Variants in OLFML1 observed in about 807,000 individuals in gnomAD.
The protein encoded by OLFML1 is olfactomedin like 1.
Under a neutral mutation model 37.3 loss-of-function variants are expected in OLFML1, and 33 were observed. That is an observed-to-expected ratio of 0.88 (90% CI 0.67 to 1.18). The LOEUF (loss-of-function observed/expected upper bound fraction) is 1.18, where lower values mean the gene tolerates loss of function less well. Among genes scored for constraint, OLFML1 ranks in the 50% most tolerant of loss-of-function variants. The pLI is 0.00. For missense variants in OLFML1, 545 were observed against 483.7 expected (o/e 1.13, Z -1.19); for synonymous variants, 186 against 181.3 (o/e 1.03, Z -0.21).
At chr11:7,493,895 G>C (rs576160849) in intron 2 of OLFML1, among the ~76,000 whole-genome samples, 1 of 151,878 alleles carries the variant, frequency 6.6e-6, no homozygotes, top group African/African-American at 2.4e-5. Flanking sequence ...ATGTTGGACA[G>C]GGTAACATTC....
At chr11:7,497,293 A>G (rs1044747136) in intron 2 of OLFML1, among the ~76,000 whole-genome samples, 2 of 152,258 alleles carry the variant, frequency 1.3e-5, no homozygotes, top group Non-Finnish European at 2.9e-5. Context: ...AAAAAAACAG[A>G]TAAGACAAAG....
At chr11:7,493,264 A>T (rs189815821) in intron 2 of OLFML1, among the ~76,000 whole-genome samples, 21 of 152,346 alleles carry the variant, frequency 1.4e-4, no homozygotes, top group Admixed American at 1.1e-3. Context: ...AGCATATTTG[A>T]AGCCTCTGGG....
At chr11:7,486,774 C>T (rs1848528753) in intron 1 of OLFML1, among the ~76,000 whole-genome samples, 2 of 152,114 alleles carry the variant, frequency 1.3e-5, no homozygotes, top group Admixed American at 1.3e-4. Context: ...TTTCAAAGAC[C>T]CTCTTATTGC....
chr11:7,488,080 A>C, intron 1 of OLFML1, 47 bp from the exon 2 acceptor site: 2 of 1,358,902 alleles, frequency 1.5e-6, no homozygotes, highest in Non-Finnish European at 2.1e-6. Flanking sequence ...TTATTTGGGT[A>C]ATTTAAATAA....
intron 2 of OLFML1, 41 bp downstream of exon 2, chr11:7,488,456 T>C (rs1387639599): frequency 3.3e-6 from 5 of 1,504,866 alleles, no homozygotes; most frequent in Non-Finnish European, 4.5e-6. Flanking sequence ...CTAGGGACTA[T>C]TATGCTCAGA....
intron 2 of OLFML1, among the ~76,000 whole-genome samples, chr11:7,492,454 T>C (rs925632964): frequency 1.5e-4 from 23 of 152,202 alleles, no homozygotes; most frequent in African/African-American, 5.1e-4. Context: ...CCTTGGAAAA[T>C]TTAACCTTGT....
chr11:7,505,839 T>TA (rs35368096), intron 2 of OLFML1, among the ~76,000 whole-genome samples: 170 of 151,468 alleles, frequency 1.1e-3, no homozygotes, highest in African/African-American at 3.8e-3. Flanking sequence ...TCACCTGTCT[T>TA]AAAAAAAATG....
intron 2 of OLFML1, among the ~76,000 whole-genome samples, chr11:7,496,084 A>G (rs1217923156): frequency 1.3e-5 from 2 of 152,224 alleles, no homozygotes; most frequent in Admixed American, 6.5e-5. Flanking sequence ...TCACTTGTGC[A>G]CCTGCAGTCA....
intron 2 of OLFML1, among the ~76,000 whole-genome samples, chr11:7,501,968 A>T (rs1018847230): frequency 6.6e-6 from 1 of 152,244 alleles, no homozygotes. Context: ...TGAGCTAGTA[A>T]ATAAAACAGA....
chr11:7,499,916 G>C (rs1848701705), intron 2 of OLFML1, among the ~76,000 whole-genome samples: 1 of 151,992 alleles, frequency 6.6e-6, no homozygotes, highest in South Asian at 2.1e-4. Flanking sequence ...TTTGAGACAG[G>C]GTCTCCCTCT....
At chr11:7,498,900 A>T (rs1303806081) in intron 2 of OLFML1, among the ~76,000 whole-genome samples, 1 of 152,102 alleles carries the variant, frequency 6.6e-6, no homozygotes, top group Non-Finnish European at 1.5e-5. Flanking sequence ...GCTTATATCC[A>T]TCACTATTTG....
At position 7,487,994 on chromosome 11, in the gene OLFML1, T is replaced by C. The variant is rs192520738; in HGVS notation, c.130-133T>C. On this transcript the variant is annotated intron_variant, in intron 1 of 2. Transcript: ENST00000329293. ...ATACTACCTTTGAATTTAGGAATTA[T>C]GGGAGATTTCAATTTTTCCCCTATT... 3.8e-4 allele frequency: 240 copies of C among 637,310 alleles called. No homozygotes were observed. In the African/African-American group the frequency reaches 3.9e-3, roughly 10 times the overall value. 39.5% of individuals were successfully genotyped at this position (637,310 alleles called of 1,614,324 possible). A position where few individuals can be genotyped will look rare whatever the true frequency, so the allele number is the denominator to read the frequency against.
At chr11:7,489,384 C>T (rs1042319193) in intron 2 of OLFML1, among the ~76,000 whole-genome samples, 9 of 152,062 alleles carry the variant, frequency 5.9e-5, no homozygotes, top group South Asian at 2.1e-4. Flanking sequence ...CATGAGGGTA[C>T]TGTAGCACCT....
chr11:7,485,988 G>T lies in OLFML1; in HGVS notation c.113G>T (p.Arg38Leu). The T allele has an allele frequency of 2.5e-6, 4 of 1,613,990 alleles. No individual in the cohort carries two copies. The highest frequency in any genetic ancestry group is 3.4e-6 in the Non-Finnish European group (4 of 1,179,934). ...DPAMVHYIYQ[R>L]FRVLEQGLEK... ...GCCATGGTGCATTACATCTACCAGC[G>T]CTTTCGAGTCTTGGAGGTAGGTGGC... Residue 38 changes from arginine to leucine, a missense_variant, in exon 1 of 3, where the codon CGC (arginine) becomes CTC (leucine). Coordinates refer to ENST00000329293, the MANE Select transcript of OLFML1 (RefSeq NM_198474.4).
rs1848512592 is a variant in OLFML1, at chr11:7,485,748, G to C, written c.-128G>C. On this transcript the variant is annotated 5_prime_UTR_variant, in exon 1 of 3. Coordinates refer to ENST00000329293, the MANE Select transcript of OLFML1 (RefSeq NM_198474.4). ...TAACAAGCGGACTTTGCTCTCTGCTGTGCAAAACGCTGTTTTTAGAGGATT... is the reference window on the plus strand; with the variant it reads ...TAACAAGCGGACTTTGCTCTCTGCTCTGCAAAACGCTGTTTTTAGAGGATT... The C allele has an allele frequency of 1.1e-5, 11 of 963,848 alleles. No homozygotes were observed. The South Asian group carries it at 1.8e-4, about 15-fold the overall frequency. 59.7% of individuals were successfully genotyped at this position (963,848 alleles called of 1,614,324 possible). A position where few individuals can be genotyped will look rare whatever the true frequency, so the allele number is the denominator to read the frequency against.
intron 2 of OLFML1, among the ~76,000 whole-genome samples, chr11:7,492,619 A>G (rs1466639315): frequency 6.6e-6 from 1 of 152,206 alleles, no homozygotes; most frequent in African/African-American, 2.4e-5. Context: ...CTGCTCTTGT[A>G]TCTTCAGCCT....
chr11:7,502,598 T>C (rs1296322915), intron 2 of OLFML1, among the ~76,000 whole-genome samples: 3 of 152,138 alleles, frequency 2.0e-5, no homozygotes, highest in Non-Finnish European at 4.4e-5. Context: ...AATTTTTCTT[T>C]TTCTTTTTTT....
At chr11:7,501,390 C>G (rs1429744281) in intron 2 of OLFML1, among the ~76,000 whole-genome samples, 1 of 152,214 alleles carries the variant, frequency 6.6e-6, no homozygotes, top group Non-Finnish European at 1.5e-5. Flanking sequence ...ATAACCGAGG[C>G]TGACCCAGAA....
intron 2 of OLFML1, among the ~76,000 whole-genome samples, chr11:7,498,106 C>T (rs1025200325): frequency 6.6e-6 from 1 of 152,156 alleles, no homozygotes; most frequent in Admixed American, 6.5e-5. Context: ...CTAGTGAGGG[C>T]GATATATACT....
Sources: gnomAD v4.1 joint callset for allele counts (sites outside exome capture counted in the v4.1 genomes callset) on GRCh38, gnomAD v4.1.1 for gene constraint, MANE v1.5 for transcripts, NCBI Gene and HGNC (gene_info 2026-07-23, HGNC 2026-07-21) for gene names.